The following LRRIQ3 variants were observed in gnomAD, a reference collection of about 807,000 sequenced individuals.
LRRIQ3 encodes the protein leucine-rich repeat and IQ domain-containing protein 3.
Under a neutral mutation model 59.3 loss-of-function variants are expected in LRRIQ3, and 75 were observed. The observed-to-expected ratio is 1.26, with a 90% CI of 1.05 to 1.53. The LOEUF (loss-of-function observed/expected upper bound fraction) is 1.53, where lower values mean the gene tolerates loss of function less well. LRRIQ3 is among the 40% of genes most tolerant of loss of function. The pLI is 0.00. For missense variants in LRRIQ3, 831 were observed against 710.0 expected (o/e 1.17, Z -1.94); for synonymous variants, 250 against 231.3 (o/e 1.08, Z -0.73).
At chr1:74,157,668 G>A (rs1648417742) in intron 3 of LRRIQ3, among the ~76,000 whole-genome samples, 2 of 151,406 alleles carry the variant, frequency 1.3e-5, no homozygotes, top group Admixed American at 1.3e-4. Flanking sequence ...CTTAGATTCT[G>A]TACTACACTT....
intron 7 of LRRIQ3, among the ~76,000 whole-genome samples, chr1:74,036,176 A>G (rs1197375065): frequency 6.6e-6 from 1 of 152,144 alleles, no homozygotes; most frequent in African/African-American, 2.4e-5. Flanking sequence ...TTGGCACACT[A>G]TGTATTTTAA....
chr1:74,122,004 T>C (rs925399248), intron 4 of LRRIQ3, among the ~76,000 whole-genome samples: 3 of 152,078 alleles, frequency 2.0e-5, no homozygotes, highest in African/African-American at 7.2e-5. Context: ...TTGACTTGGT[T>C]CCAAGTCTTT....
intron 1 of LRRIQ3, among the ~76,000 whole-genome samples, chr1:74,193,127 T>C (rs551453184): frequency 3.9e-5 from 6 of 152,322 alleles, no homozygotes; most frequent in Non-Finnish European, 5.9e-5. Context: ...AATATGCACA[T>C]AGAGGAGGAA....
chr1:74,154,240 C>CAAACAAAAAAAAAAAAAAAAAAAAAAA, intron 4 of LRRIQ3, among the ~76,000 whole-genome samples: 1 of 57,278 alleles, frequency 1.7e-5, no homozygotes, highest in African/African-American at 7.3e-5. Flanking sequence ...GACTCCTTCT[C>CAAACAAAAAAAAAAAAAAAAAAAAAAA]AAAAAAAAAA....
chr1:74,157,171 C>T (rs960035719), intron 3 of LRRIQ3, among the ~76,000 whole-genome samples: 2 of 152,118 alleles, frequency 1.3e-5, no homozygotes, highest in African/African-American at 4.8e-5. Flanking sequence ...CGATACTCTT[C>T]CAGTCCATTC....
intron 6 of LRRIQ3, among the ~76,000 whole-genome samples, chr1:74,044,749 A>C (rs936331308): frequency 1.3e-5 from 2 of 152,178 alleles, no homozygotes; most frequent in Non-Finnish European, 2.9e-5. Flanking sequence ...GGAGAATCAA[A>C]TAGATGCAAT....
At chr1:74,176,117 C>T (rs113040151) in intron 3 of LRRIQ3, among the ~76,000 whole-genome samples, 8 of 152,036 alleles carry the variant, frequency 5.3e-5, no homozygotes, top group African/African-American at 1.5e-4. Flanking sequence ...CTATGTAGAG[C>T]GCTTCCTTTA....
At chr1:74,114,409 A>G (rs2100572268) in intron 4 of LRRIQ3, among the ~76,000 whole-genome samples, 1 of 152,212 alleles carries the variant, frequency 6.6e-6, no homozygotes, top group Middle Eastern at 3.4e-3. Context: ...AAGTTAGTAT[A>G]AATATGAAGT....
intron 3 of LRRIQ3, among the ~76,000 whole-genome samples, chr1:74,177,355 T>C (rs1649705771): frequency 6.6e-6 from 1 of 152,138 alleles, no homozygotes; most frequent in Admixed American, 6.6e-5. Context: ...CTGGATCTCC[T>C]TGCTCCTCAA....
intron 5 of LRRIQ3, among the ~76,000 whole-genome samples, chr1:74,078,963 A>G (rs1646241509): frequency 1.3e-5 from 2 of 151,844 alleles, no homozygotes; most frequent in Admixed American, 1.3e-4. Context: ...CTAAGCTATC[A>G]GCAAATCTTG....
chr1:74,121,417 C>T (rs1646854149), intron 4 of LRRIQ3, among the ~76,000 whole-genome samples: 1 of 152,142 alleles, frequency 6.6e-6, no homozygotes, highest in Admixed American at 6.6e-5. Flanking sequence ...CTGCCCTAGG[C>T]TTGCGCTGAC....
At chr1:74,144,420 T>G in intron 4 of LRRIQ3, 1 of 330,232 alleles carries the variant, frequency 3.0e-6, no homozygotes, top group Non-Finnish European at 6.1e-6. Flanking sequence ...CAATAGATTT[T>G]ATATTTCAAG....
intron 4 of LRRIQ3, among the ~76,000 whole-genome samples, chr1:74,112,462 G>C (rs530060075): frequency 6.6e-6 from 1 of 152,156 alleles, no homozygotes; most frequent in African/African-American, 2.4e-5. Flanking sequence ...ATCGGGATTA[G>C]AGCAAACAGC....
intron 4 of LRRIQ3, among the ~76,000 whole-genome samples, chr1:74,118,637 G>A (rs1646810532): frequency 6.6e-6 from 1 of 151,958 alleles, no homozygotes; most frequent in African/African-American, 2.4e-5. Context: ...TGGCGTAAGA[G>A]TGTATTAGTC....
chr1:74,060,562 A>C (rs937944528), intron 6 of LRRIQ3, among the ~76,000 whole-genome samples: 8 of 151,960 alleles, frequency 5.3e-5, no homozygotes, highest in African/African-American at 1.9e-4. Context: ...ATATTTTCTA[A>C]TGTCATTTGT....
intron 7 of LRRIQ3, among the ~76,000 whole-genome samples, chr1:74,033,187 T>C (rs1341678073): frequency 1.3e-5 from 2 of 151,942 alleles, no homozygotes; most frequent in Admixed American, 1.3e-4. Context: ...CATAAATCTG[T>C]GGGGCATTGA....
chr1:74,157,529 T>A (rs984258829), intron 3 of LRRIQ3, among the ~76,000 whole-genome samples: 6 of 152,090 alleles, frequency 3.9e-5, no homozygotes, highest in African/African-American at 7.2e-5. Flanking sequence ...CAGAATTCCA[T>A]GTTTGTTTCT....
chr1:74,032,850 T>C (rs1653758759), intron 7 of LRRIQ3, among the ~76,000 whole-genome samples: 1 of 151,978 alleles, frequency 6.6e-6, no homozygotes, highest in South Asian at 2.1e-4. Flanking sequence ...TTTTAAAGAT[T>C]ATAAGAATTA....
At chr1:74,029,054 A>G (rs1040069802) in intron 7 of LRRIQ3, among the ~76,000 whole-genome samples, 1 of 152,158 alleles carries the variant, frequency 6.6e-6, no homozygotes, top group Admixed American at 6.6e-5. Context: ...AGATTTTTGC[A>G]CATTGATTTT....
Sources: allele counts gnomAD v4.1 joint callset (sites outside exome capture counted in the v4.1 genomes callset), GRCh38; gene constraint gnomAD v4.1.1; transcripts MANE v1.5; gene names NCBI Gene and HGNC (gene_info 2026-07-23, HGNC 2026-07-21).